Variants in GATAD2A observed in about 807,000 individuals in gnomAD.
The protein encoded by GATAD2A is transcriptional repressor p66-alpha.
In GATAD2A, 12 loss-of-function variants were observed where a neutral mutation model predicts 68.5. That is an observed-to-expected ratio of 0.18 (90% CI 0.11 to 0.28). The LOEUF is 0.28. GATAD2A is among the 10% of genes least tolerant of loss of function. The probability of loss-of-function intolerance (pLI) is 1.00; values close to 1 mark genes in which losing one functional copy is unlikely to be tolerated. For synonymous variants in GATAD2A, 410 were observed against 375.3 expected (o/e 1.09, Z -1.07); for missense variants, 755 against 868.5 (o/e 0.87, Z 1.64).
At position 19,508,696 on chromosome 19, in the gene GATAD2A, G is replaced by A. The variant is rs887779121; in HGVS notation, c.*3222G>A. On this transcript the variant is annotated 3_prime_UTR_variant, in exon 12 of 12. Transcript: ENST00000683918. ...AGCAAACAATTTTATAATCCTTAAAGTGTAATAGACGGTTACACTAGTGCA... is the reference window on the plus strand; with the variant it reads ...AGCAAACAATTTTATAATCCTTAAAATGTAATAGACGGTTACACTAGTGCA... The A allele has an allele frequency of 6.6e-6, 1 of 152,222 alleles. No individual in the cohort carries two copies. Among genetic ancestry groups the A allele is most frequent in the Non-Finnish European group, 1.5e-5 (1 of 68,048 alleles). The allele number at this position is 152,222 out of a possible 1,614,324, so 9.4% of individuals were successfully genotyped here. A position where few individuals can be genotyped will look rare whatever the true frequency, so the allele number is the denominator to read the frequency against.
chr19:19,506,965 C>T lies in GATAD2A; in HGVS notation c.*1491C>T, dbSNP rs1185284129. The T allele has an allele frequency of 6.6e-6, 1 of 152,112 alleles. No homozygotes were observed. The highest frequency in any genetic ancestry group is 6.5e-5 in the Admixed American group (1 of 15,276). The allele number at this position is 152,112 out of a possible 1,614,324, so 9.4% of individuals were successfully genotyped here. A position where few individuals can be genotyped will look rare whatever the true frequency, so the allele number is the denominator to read the frequency against. ...AACTGCTACAACATTCTAATAAAGG[C>T]TCATTTAACCCCCAGGCTCCTGTCG... On this transcript the variant is annotated 3_prime_UTR_variant, in exon 12 of 12. Transcript: ENST00000683918.
At chr19:19,463,057 G>GTT (rs1162749079) in intron 1 of GATAD2A, among the ~76,000 whole-genome samples, 1 of 152,138 alleles carries the variant, frequency 6.6e-6, no homozygotes, top group African/African-American at 2.4e-5. Context: ...CCCAACAGTA[G>GTT]TTATAAGGCC....
intron 2 of GATAD2A, among the ~76,000 whole-genome samples, chr19:19,491,436 A>C (rs1905971078): frequency 6.6e-6 from 1 of 152,130 alleles, no homozygotes; most frequent in African/African-American, 2.4e-5. Context: ...AGAAAGAAAA[A>C]GGTGTGGGGG....
At chr19:19,390,583 G>C (rs1015255014) in intron 1 of GATAD2A, among the ~76,000 whole-genome samples, 2 of 152,174 alleles carry the variant, frequency 1.3e-5, no homozygotes, top group Non-Finnish European at 2.9e-5. Flanking sequence ...CTTGGCCTTG[G>C]TGTCTCCCCC....
intron 1 of GATAD2A, among the ~76,000 whole-genome samples, chr19:19,455,924 G>A (rs2056882314): frequency 6.6e-6 from 1 of 152,184 alleles, no homozygotes; most frequent in African/African-American, 2.4e-5. Flanking sequence ...GCTGAGGCAG[G>A]CGGATCACGA....
intron 1 of GATAD2A, among the ~76,000 whole-genome samples, chr19:19,456,078 C>T (rs564420544): frequency 1.2e-4 from 18 of 149,152 alleles, no homozygotes; most frequent in South Asian, 1.1e-3. Flanking sequence ...GGAGTGAACA[C>T]GGGAGGCAGA....
At chr19:19,413,387 C>G (rs1222680059) in intron 1 of GATAD2A, among the ~76,000 whole-genome samples, 1 of 152,190 alleles carries the variant, frequency 6.6e-6, no homozygotes, top group East Asian at 1.9e-4. Flanking sequence ...GTGCTGTTCT[C>G]AGGACTTGCG....
intron 1 of GATAD2A, among the ~76,000 whole-genome samples, chr19:19,386,440 C>A (rs2048426359): frequency 6.6e-6 from 1 of 151,440 alleles, no homozygotes; most frequent in African/African-American, 2.4e-5. Flanking sequence ...TTGGGGACCC[C>A]GTCTCTCCAG....
chr19:19,433,843 C>T (rs902241113), intron 1 of GATAD2A, among the ~76,000 whole-genome samples: 5 of 152,186 alleles, frequency 3.3e-5, no homozygotes, highest in Admixed American at 2.0e-4. Context: ...GGCACAGTCA[C>T]GGCTCACTGC....
intron 2 of GATAD2A, among the ~76,000 whole-genome samples, chr19:19,483,619 G>T (rs1319508442): frequency 6.6e-6 from 1 of 151,672 alleles, no homozygotes; most frequent in East Asian, 1.9e-4. Context: ...GAGTTCTTCA[G>T]TGTTTTTTTT....
intron 1 of GATAD2A, among the ~76,000 whole-genome samples, chr19:19,452,108 G>C (rs1204282147): frequency 6.6e-6 from 1 of 152,250 alleles, no homozygotes; most frequent in African/African-American, 2.4e-5. Flanking sequence ...TGTTGTTCAG[G>C]ATTGCTCTGT....
intron 1 of GATAD2A, chr19:19,435,104 C>G (rs774246064): frequency 7.5e-6 from 4 of 533,336 alleles, no homozygotes; most frequent in East Asian, 1.1e-4. Context: ...ACATCAGATC[C>G]CTTATCTGTA....
intron 2 of GATAD2A, among the ~76,000 whole-genome samples, chr19:19,487,248 G>T (rs2059500136): frequency 6.6e-6 from 1 of 152,210 alleles, no homozygotes; most frequent in African/African-American, 2.4e-5. Context: ...GGAACACCTT[G>T]TCCCTTGTTG....
intron 8 of GATAD2A, among the ~76,000 whole-genome samples, chr19:19,499,181 C>T (rs976017515): frequency 1.3e-5 from 2 of 152,130 alleles, no homozygotes; most frequent in Non-Finnish European, 2.9e-5. Flanking sequence ...CTTCAGGCAG[C>T]GTGGGAGTGC....
intron 2 of GATAD2A, among the ~76,000 whole-genome samples, chr19:19,487,271 G>C (rs990239536): frequency 6.6e-6 from 1 of 152,246 alleles, no homozygotes. Flanking sequence ...AGCTGAGGCT[G>C]TGCCACAGAG....
intron 1 of GATAD2A, among the ~76,000 whole-genome samples, chr19:19,420,991 T>C (rs2052351942): frequency 6.6e-6 from 1 of 152,198 alleles, no homozygotes; most frequent in Non-Finnish European, 1.5e-5. Context: ...GTCCCCAAAG[T>C]TTTCAGAAGT....
chr19:19,445,919 C>T (rs2055658295), intron 1 of GATAD2A, among the ~76,000 whole-genome samples: 1 of 152,132 alleles, frequency 6.6e-6, no homozygotes, highest in African/African-American at 2.4e-5. Flanking sequence ...ATTCAGCTCT[C>T]TTGGATATAC....
chr19:19,486,488 G>A (rs2059436950), intron 2 of GATAD2A, among the ~76,000 whole-genome samples: 1 of 152,202 alleles, frequency 6.6e-6, no homozygotes, highest in South Asian at 2.1e-4. Context: ...CTGGATGTGG[G>A]CGGCTGGCTC....
In GATAD2A at chr19:19,481,799, T is replaced by C. The variant is rs374435382; in HGVS notation, c.270-10507T>C. ...AGGATCCTTCAGCCATAAATAAAGGTTCACTATTCCAAAAATGACATAGTG... is the reference window on the plus strand; with the variant it reads ...AGGATCCTTCAGCCATAAATAAAGGCTCACTATTCCAAAAATGACATAGTG... On this transcript the variant is annotated intron_variant, in intron 2 of 11. Coordinates refer to ENST00000683918, the MANE Select transcript of GATAD2A (RefSeq NM_001384528.1). Among the ~76,000 whole-genome samples the C allele has an allele frequency of 3.8e-3, 579 of 152,318 alleles. 1 individual carries two copies. The highest frequency in any genetic ancestry group is 6.7e-3 in the Non-Finnish European group (457 of 68,032).
Sources: allele counts gnomAD v4.1 joint callset (sites outside exome capture counted in the v4.1 genomes callset), GRCh38; gene constraint gnomAD v4.1.1; transcripts MANE v1.5; gene names NCBI Gene and HGNC (gene_info 2026-07-23, HGNC 2026-07-21).